FUT8: variants seen among roughly 807,000 people sequenced by gnomAD.
FUT8 encodes the protein fucosyltransferase 8, also known as alpha-(1,6)-fucosyltransferase.
FUT8 carries 29 observed loss-of-function variants against 71.3 expected under a neutral mutation model. That is an observed-to-expected ratio of 0.41 (90% CI 0.30 to 0.55). The LOEUF (loss-of-function observed/expected upper bound fraction) is 0.55. Ranked by LOEUF, FUT8 falls within the 20% of genes least tolerant of loss-of-function variation. The probability of loss-of-function intolerance (pLI) is 0.34; values close to 1 mark genes in which losing one functional copy is unlikely to be tolerated. For missense variants in FUT8, 544 were observed against 702.1 expected (o/e 0.77, Z 2.55); for synonymous variants, 254 against 239.3 (o/e 1.06, Z -0.57).
At chr14:65,585,883 G>A (rs1887354072) in intron 3 of FUT8, among the ~76,000 whole-genome samples, 1 of 152,246 alleles carries the variant, frequency 6.6e-6, no homozygotes, top group African/African-American at 2.4e-5. Context: ...AAGCAAAGTA[G>A]TAGAAATAGC....
chr14:65,370,108 G>A, the FUT8 span, among the ~76,000 whole-genome samples: 5 of 150,682 alleles, frequency 3.3e-5, no homozygotes, highest in African/African-American at 1.2e-4. Context: ...AAAAAAAATG[G>A]TAACTACAGT....
rs528439195 is a variant in FUT8 at position 65,550,202 on chromosome 14, G to A, written c.-227-11135G>A. On this transcript the variant is annotated intron_variant, in intron 2 of 10. Transcript: ENST00000673929. The surrounding 1 kb of genome is among the most constrained non-coding windows in gnomAD (Gnocchi z 4.5). Reference sequence around the variant, plus strand: ...GGTAGAAGGCAAAGGGGGAGCCAGCGTATCACATGGTGAGAAGGGGTGCAA... The same window carrying A: ...GGTAGAAGGCAAAGGGGGAGCCAGCATATCACATGGTGAGAAGGGGTGCAA... Among the ~76,000 whole-genome samples the A allele has an allele frequency of 6.6e-6, 1 of 152,264 alleles. No individual in the cohort carries two copies. Among genetic ancestry groups the A allele is most frequent in the South Asian group, 2.1e-4 (1 of 4,818 alleles).
At chr14:65,501,525 A>T (rs1181270003) in intron 2 of FUT8, among the ~76,000 whole-genome samples, 1 of 152,196 alleles carries the variant, frequency 6.6e-6, no homozygotes, top group Non-Finnish European at 1.5e-5. Flanking sequence ...TGGAGGATCT[A>T]TGCTGGGCAA....
chr14:65,736,351 G>T (rs1896218175), intron 10 of FUT8, among the ~76,000 whole-genome samples: 1 of 151,120 alleles, frequency 6.6e-6, no homozygotes, highest in South Asian at 2.1e-4. Flanking sequence ...TTTTCACATG[G>T]CTTCATTTCA....
intron 8 of FUT8, among the ~76,000 whole-genome samples, chr14:65,722,251 C>T (rs1895457070): frequency 6.6e-6 from 1 of 152,066 alleles, no homozygotes; most frequent in South Asian, 2.1e-4. Flanking sequence ...TCCAGTTCTC[C>T]TCTTCCTTTG....
intron 7 of FUT8, among the ~76,000 whole-genome samples, chr14:65,699,367 T>G (rs886800911): frequency 7.2e-5 from 11 of 152,302 alleles, no homozygotes; most frequent in African/African-American, 2.6e-4. Context: ...CCTTCACTGG[T>G]CATCTGTAAG....
intron 3 of FUT8, among the ~76,000 whole-genome samples, chr14:65,598,116 C>T (rs1888090056): frequency 6.6e-6 from 1 of 152,120 alleles, no homozygotes; most frequent in African/African-American, 2.4e-5. Flanking sequence ...CAAGGCTACA[C>T]AGTAAGCTGT....
chr14:65,722,155 A>G lies in FUT8; in HGVS notation c.1082+134A>G, dbSNP rs1281328883. 6.4e-5 allele frequency: 74 copies of G among 1,157,932 alleles called. 1 individual carries two copies. The East Asian group carries it at 1.8e-3, about 28-fold the overall frequency. The allele number at this position is 1,157,932 out of a possible 1,614,324, so 71.7% of individuals were successfully genotyped here. ...ACCAAAGGACAGAGGTTCTAGAGCT[A>G]TCCTAAGGTCACATGGAGACTATTT... On this transcript the variant is annotated intron_variant, in intron 8 of 10. Transcript: ENST00000673929.
chr14:65,641,919 A>C (rs1890861770), intron 6 of FUT8, among the ~76,000 whole-genome samples: 1 of 150,740 alleles, frequency 6.6e-6, no homozygotes, highest in African/African-American at 2.4e-5. Flanking sequence ...TATATATTCT[A>C]GATATGAGTC....
At chr14:65,370,596 AGTATAT>A in the FUT8 span, among the ~76,000 whole-genome samples, 1 of 149,992 alleles carries the variant, frequency 6.7e-6, no homozygotes, top group South Asian at 2.1e-4. Flanking sequence ...AATATATATA[AGTATAT>A]GTATAACTAT....
In FUT8 at chr14:65,733,223, T is replaced by G; in HGVS notation, c.1260-8T>G. The G allele has an allele frequency of 2.5e-6, 4 of 1,571,674 alleles. No individual in the cohort carries two copies. The highest frequency in any genetic ancestry group is 3.5e-6 in the Non-Finnish European group (4 of 1,149,880). On this transcript the variant is annotated splice_polypyrimidine_tract_variant and splice_region_variant and intron_variant, in intron 9 of 10. Coordinates refer to ENST00000673929, the MANE Select transcript of FUT8 (RefSeq NM_001371533.1). ...TATGACCATCTATAAATTAATTTAT[T>G]TTTTCAGGTACCCCAATTATGAATT...
intron 7 of FUT8, among the ~76,000 whole-genome samples, chr14:65,720,776 A>G (rs1895374970): frequency 6.6e-6 from 1 of 152,112 alleles, no homozygotes. Flanking sequence ...CGGCTTGTTG[A>G]AACTCAGGCT....
At chr14:65,410,752 C>T (rs1311671338), upstream of FUT8, 2 of 151,804 alleles carry the variant, frequency 1.3e-5, no homozygotes, top group African/African-American at 4.8e-5. Context: ...GATTATTAAC[C>T]AACTAGAAGT....
At chr14:65,633,879 C>T (rs1157250966) in intron 6 of FUT8, among the ~76,000 whole-genome samples, 1 of 151,958 alleles carries the variant, frequency 6.6e-6, no homozygotes, top group African/African-American at 2.4e-5. Context: ...GCCAGCTGCC[C>T]TGTCCAGGAG....
At position 65,638,314 on chromosome 14, in the gene FUT8, GC is replaced by G. The variant is rs1295121007; in HGVS notation, c.597+8709del. Among the ~76,000 whole-genome samples, 1 of 152,136 alleles carries G rather than the reference GC, an allele frequency of 6.6e-6. No homozygotes were observed. The highest frequency in any genetic ancestry group is 2.4e-5 in the African/African-American group (1 of 41,424). ...TCCTGCCTCAGCTTCCCAAAGTGTT[GC>G]AATCACAGGCGTGAGCCACTGTGTC... is the stretch of plus-strand genomic sequence containing the variant. On this transcript the variant is annotated intron_variant, in intron 6 of 10. Transcript: ENST00000673929. The surrounding 1 kb of genome is among the most constrained non-coding windows in gnomAD (Gnocchi z 4.5).
the FUT8 span, among the ~76,000 whole-genome samples, chr14:65,393,250 G>T: frequency 0.48 from 72,349 of 151,888 alleles, 17,497 homozygotes; most frequent in South Asian, 0.54. Flanking sequence ...AGATGGAGGT[G>T]GCTTTATAAT....
intron 6 of FUT8, among the ~76,000 whole-genome samples, chr14:65,650,696 C>T: frequency 8.3e-6 from 1 of 120,514 alleles, no homozygotes; most frequent in Non-Finnish European, 1.7e-5. Flanking sequence ...CACTGTAATT[C>T]CTGCTAATTA....
At chr14:65,691,942 C>G (rs948798876) in intron 7 of FUT8, among the ~76,000 whole-genome samples, 1 of 152,138 alleles carries the variant, frequency 6.6e-6, no homozygotes, top group Non-Finnish European at 1.5e-5. Context: ...CAACAGGATC[C>G]CAAGGCAGAA....
chr14:65,676,214 A>G (rs527516852), intron 7 of FUT8, among the ~76,000 whole-genome samples: 123 of 152,326 alleles, frequency 8.1e-4, no homozygotes, highest in African/African-American at 2.8e-3. Context: ...GTTCAGAGAT[A>G]AAAGGACGTG....
Sources: allele counts gnomAD v4.1 joint callset (sites outside exome capture counted in the v4.1 genomes callset), GRCh38; gene constraint gnomAD v4.1.1; non-coding constraint Gnocchi (gnomAD v3.1); transcripts MANE v1.5; gene names NCBI Gene and HGNC (gene_info 2026-07-23, HGNC 2026-07-21).